The following ACO1 variants were observed in gnomAD, a reference collection of about 807,000 sequenced individuals.
The protein encoded by ACO1 is cytoplasmic aconitate hydratase.
ACO1 carries 78 observed loss-of-function variants against 105.1 expected under a neutral mutation model. The observed-to-expected ratio is 0.74, with a 90% confidence interval of 0.62 to 0.90. ACO1 has a LOEUF of 0.90. ACO1 is among the 40% of genes least tolerant of loss of function. The pLI is 0.00. For synonymous variants in ACO1, 364 were observed against 397.4 expected (o/e 0.92, Z 1.00); for missense variants, 965 against 1,111.1 (o/e 0.87, Z 1.87).
intron 13 of ACO1, 75 bp from the exon 14 acceptor site, chr9:32,430,343 C>A: frequency 6.9e-7 from 1 of 1,451,838 alleles, no homozygotes; most frequent in Non-Finnish European, 9.3e-7. Flanking sequence ...GATGTGGAAA[C>A]TCTTGCCAAT....
intron 4 of ACO1, among the ~76,000 whole-genome samples, chr9:32,413,245 G>T (rs145049708): frequency 2.6e-4 from 39 of 152,178 alleles, no homozygotes; most frequent in African/African-American, 8.4e-4. Context: ...TAGCACTTTG[G>T]GAGGCCAAGG....
At chr9:32,416,470 C>T (rs1267423462) in intron 4 of ACO1, among the ~76,000 whole-genome samples, 1 of 152,100 alleles carries the variant, frequency 6.6e-6, no homozygotes, top group Non-Finnish European at 1.5e-5. Flanking sequence ...CCATCTTGCT[C>T]GGGCTGACTC....
intron 15 of ACO1, among the ~76,000 whole-genome samples, chr9:32,433,339 T>C (rs1822281836): frequency 6.6e-6 from 1 of 152,100 alleles, no homozygotes; most frequent in African/African-American, 2.4e-5. Flanking sequence ...GCTCAAGCAA[T>C]CCTCCCATCT....
chr9:32,433,543 G>T (rs1822286781), intron 15 of ACO1, among the ~76,000 whole-genome samples, 185 bp from the exon 16 acceptor site: 1 of 152,092 alleles, frequency 6.6e-6, no homozygotes, highest in East Asian at 1.9e-4. Flanking sequence ...AGCCCACAGT[G>T]TCTCTGGATT....
intron 1 of ACO1, among the ~76,000 whole-genome samples, chr9:32,394,785 G>A (rs1178294687): frequency 6.6e-6 from 1 of 152,178 alleles, no homozygotes; most frequent in Non-Finnish European, 1.5e-5. Context: ...CCTTTCTTAG[G>A]TAAAATCAGT....
chr9:32,452,788 A>G lies in ACO1; in HGVS notation c.*2677A>G, dbSNP rs1198765124. ...AGACCAGCCTGGGCAACACTCTACA[A>G]AAAAAAAAATAAATAAATAAATAAA... On this transcript the variant is annotated 3_prime_UTR_variant, in exon 21 of 21. Coordinates refer to ENST00000309951, the MANE Select transcript of ACO1 (RefSeq NM_002197.3). 2 of 149,616 alleles carry G rather than the reference A, an allele frequency of 1.3e-5. No homozygotes were observed. Among genetic ancestry groups the G allele is most frequent in the Admixed American group, 6.6e-5 (1 of 15,058 alleles). 9.3% of individuals were successfully genotyped at this position (149,616 alleles called of 1,614,324 possible). A position where few individuals can be genotyped will look rare whatever the true frequency, so the allele number is the denominator to read the frequency against.
intron 1 of ACO1, among the ~76,000 whole-genome samples, chr9:32,395,473 C>CT (rs1244187021): frequency 2.8e-5 from 1 of 35,694 alleles, no homozygotes; most frequent in African/African-American, 4.4e-5. Context: ...GAGACCCTGT[C>CT]TCAAAAAACA....
rs1479307669 is a variant in ACO1 at position 32,450,602 on chromosome 9, C to T, written c.*491C>T. ...GAACTTTGCACACTTCAAATCAGAG[C>T]AGTGATTCTCTCTTCTCTCCCCTTT... On this transcript the variant is annotated 3_prime_UTR_variant, in exon 21 of 21. Transcript: ENST00000309951. 5.8e-6 allele frequency: 1 copy of T among 171,098 alleles called. No individual in the cohort carries two copies. Among genetic ancestry groups the T allele is most frequent in the Admixed American group, 6.0e-5 (1 of 16,692 alleles). 10.6% of individuals were successfully genotyped at this position (171,098 alleles called of 1,614,324 possible). A position where few individuals can be genotyped will look rare whatever the true frequency, so the allele number is the denominator to read the frequency against.
chr9:32,434,441 G>C (rs1192418834), intron 16 of ACO1, 118 bp from the exon 17 acceptor site: 1 of 1,163,568 alleles, frequency 8.6e-7, no homozygotes, highest in East Asian at 2.4e-5. Context: ...AGAATTTTCT[G>C]TGCATTGGTG....
chr9:32,405,472 C>T lies in ACO1; in HGVS notation c.-22-13C>T, dbSNP rs756857226. 2.0e-5 allele frequency: 30 copies of T among 1,494,722 alleles called. No homozygotes were observed. The Admixed American group carries it at 5.1e-4, about 25-fold the overall frequency. The allele number at this position is 1,494,722 out of a possible 1,614,324, so 92.6% of individuals were successfully genotyped here. ...CTTAAAAAAAGAATTTAAATGTTCTCTTTTCTTTTCAGGAACACGTGGCCA... is the reference window on the plus strand; with the variant it reads ...CTTAAAAAAAGAATTTAAATGTTCTTTTTTCTTTTCAGGAACACGTGGCCA... On this transcript the variant is annotated splice_polypyrimidine_tract_variant and intron_variant, in intron 1 of 20. Coordinates refer to ENST00000309951, the MANE Select transcript of ACO1 (RefSeq NM_002197.3).
At chr9:32,386,284 TTC>T (rs1438451085) in intron 1 of ACO1, 3 of 152,224 alleles carry the variant, frequency 2.0e-5, no homozygotes, top group Admixed American at 6.5e-5. Flanking sequence ...ACGTGTTCAT[TTC>T]TGTTTGCAGT....
intron 2 of ACO1, among the ~76,000 whole-genome samples, chr9:32,407,029 G>A (rs527840966): frequency 2.6e-4 from 40 of 152,134 alleles, no homozygotes; most frequent in African/African-American, 8.7e-4. Flanking sequence ...TGATCCGCCC[G>A]CCTCAGCCTC....
chr9:32,435,208 C>A (rs369603023), intron 17 of ACO1, among the ~76,000 whole-genome samples: 1 of 152,196 alleles, frequency 6.6e-6, no homozygotes, highest in Non-Finnish European at 1.5e-5. Flanking sequence ...AGTGGTTCCC[C>A]AATCTGAGTT....
chr9:32,392,592 G>T (rs1225976950), intron 1 of ACO1, among the ~76,000 whole-genome samples: 1 of 152,146 alleles, frequency 6.6e-6, no homozygotes, highest in African/African-American at 2.4e-5. Context: ...TCTTATCCCA[G>T]ATCCACCGTG....
chr9:32,429,448 C>G lies in ACO1; in HGVS notation c.1514C>G (p.Thr505Ser). The stretch of plus-strand genomic sequence containing the variant: ...GACGTGGTGGGCTATGGCTGCATGA[C>G]CTGCATTGGCAACAGTGGGCCTTTA... ...GFDVVGYGCM[T>S]CIGNSGPLPE... is the part of the protein sequence containing the mutation. Residue 505 changes from threonine (T) to serine (S), a missense_variant, in exon 13 of 21, where the codon ACC becomes AGC. Transcript: ENST00000309951. 1 of 1,614,134 alleles carries G rather than the reference C, an allele frequency of 6.2e-7. No homozygotes were observed. The highest frequency in any genetic ancestry group is 8.5e-7 in the Non-Finnish European group (1 of 1,180,034).
At chr9:32,433,600 T>G (rs1355893051) in intron 15 of ACO1, 128 bp from the exon 16 acceptor site, 4 of 660,698 alleles carry the variant, frequency 6.1e-6, no homozygotes, top group Non-Finnish European at 1.0e-5. Context: ...GGAACTCTTG[T>G]ATGTGGCTAT....
intron 14 of ACO1, 45 bp downstream of exon 14, chr9:32,430,619 AG>A: frequency 6.4e-7 from 1 of 1,558,510 alleles, no homozygotes. Context: ...CAGTGAATTC[AG>A]AAATATTACT....
At chr9:32,402,343 TACTC>T (rs1432575863) in intron 1 of ACO1, among the ~76,000 whole-genome samples, 3 of 152,256 alleles carry the variant, frequency 2.0e-5, no homozygotes, top group Non-Finnish European at 2.9e-5. Context: ...TATATTTAGA[TACTC>T]TGCCATCTCC....
intron 1 of ACO1, among the ~76,000 whole-genome samples, chr9:32,385,134 T>C (rs1171727013): frequency 2.0e-5 from 3 of 151,928 alleles, no homozygotes; most frequent in Non-Finnish European, 2.9e-5. Context: ...CTTGCTAAAG[T>C]TGTGCGGGCA....
Sources: gnomAD v4.1 joint callset for allele counts (sites outside exome capture counted in the v4.1 genomes callset) on GRCh38, gnomAD v4.1.1 for gene constraint, MANE v1.5 for transcripts, NCBI Gene and HGNC (gene_info 2026-07-23, HGNC 2026-07-21) for gene names.